The following AGAP1 variants were observed in gnomAD, a reference collection of about 807,000 sequenced individuals.
The protein encoded by AGAP1 is ArfGAP with GTPase domain, ankyrin repeat and PH domain 1.
A neutral mutation model predicts 105.3 loss-of-function variants in AGAP1; 29 were observed. The observed-to-expected ratio is 0.28, with a 90% CI of 0.21 to 0.38. AGAP1 has a LOEUF of 0.38. Among genes scored for constraint, AGAP1 ranks in the 10% least tolerant of loss-of-function variants. The probability of loss-of-function intolerance (pLI) is 1.00; values close to 1 mark genes in which losing one functional copy is unlikely to be tolerated. For synonymous variants in AGAP1, 509 were observed against 485.9 expected, an observed-to-expected ratio of 1.05 and a Z score of -0.63; for missense variants, 998 against 1,165.1, an observed-to-expected ratio of 0.86 and a Z score of 2.09.
chr2:235,589,216 T>A (rs894798744), intron 1 of AGAP1, among the ~76,000 whole-genome samples: 21 of 137,480 alleles, frequency 1.5e-4, no homozygotes, highest in Non-Finnish European at 3.1e-4. Context: ...TTTTTTTTTT[T>A]TTTTTTGAGA....
intron 1 of AGAP1, among the ~76,000 whole-genome samples, chr2:235,667,203 G>A (rs1017225797): frequency 3.9e-5 from 6 of 152,190 alleles, no homozygotes; most frequent in Admixed American, 1.3e-4. Flanking sequence ...AGCATTTTTC[G>A]GGAGTTGGGT....
chr2:235,706,975 GA>G (rs1950566217), intron 1 of AGAP1, among the ~76,000 whole-genome samples: 1 of 152,256 alleles, frequency 6.6e-6, no homozygotes, highest in South Asian at 2.1e-4. Flanking sequence ...ACCCCTGACT[GA>G]GCGCTTGCTG....
chr2:235,919,791 G>T lies in AGAP1; in HGVS notation c.1324+10885G>T, dbSNP rs535121668. Among the ~76,000 whole-genome samples the T allele has an allele frequency of 5.3e-4, 81 of 152,230 alleles. No homozygotes were observed. The highest frequency in any genetic ancestry group is 8.8e-4 in the Non-Finnish European group (60 of 68,006). ...GATGGAACCGTTATTCATGGCAAAGGAAGACACCAAACAAAGAAAAATTCT... is the reference window on the plus strand; with the variant it reads ...GATGGAACCGTTATTCATGGCAAAGTAAGACACCAAACAAAGAAAAATTCT... On this transcript the variant is annotated intron_variant, in intron 11 of 17. Transcript: ENST00000304032. This position sits in a 1 kb window ranked among gnomAD's most constrained non-coding sequence, Gnocchi z 4.1.
intron 3 of AGAP1, among the ~76,000 whole-genome samples, chr2:235,738,657 A>G (rs1952395655): frequency 6.6e-6 from 1 of 151,564 alleles, no homozygotes. Flanking sequence ...TCCCAGGTTC[A>G]AGCAATTCTC....
Position 235,559,879 on chromosome 2 carries a change from T to C in AGAP1, c.163+65030T>C, listed in dbSNP as rs1192955916. ...AGTGGTTGGAGTTATTTATGGATTC[T>C]GGATACTAGACACTTATTAGATATA... On this transcript the variant is annotated intron_variant, in intron 1 of 17. Transcript: ENST00000304032. This position sits in a 1 kb window ranked among gnomAD's most constrained non-coding sequence, Gnocchi z 5.7. 6.6e-6 allele frequency among the ~76,000 whole-genome samples: 1 copy of C among 152,212 alleles called. No homozygotes were observed. The highest frequency in any genetic ancestry group is 1.5e-5 in the Non-Finnish European group (1 of 68,038).
rs761495823 is a variant in AGAP1, at chr2:235,639,801, T to G, written c.164-69378T>G. Among the ~76,000 whole-genome samples the G allele has an allele frequency of 2.6e-5, 4 of 152,192 alleles. No individual in the cohort carries two copies. Among genetic ancestry groups the G allele is most frequent in the Non-Finnish European group, 5.9e-5 (4 of 68,032 alleles). On this transcript the variant is annotated intron_variant, in intron 1 of 17. Transcript: ENST00000304032. The surrounding 1 kb of genome is among the most constrained non-coding windows in gnomAD (Gnocchi z 5.3). Reference sequence around the variant, plus strand: ...CTTCTCAGGCTCTGAAAAACACTTTTAAGAGCAGGTTAAACTGTTCTCGGA... The same window carrying G: ...CTTCTCAGGCTCTGAAAAACACTTTGAAGAGCAGGTTAAACTGTTCTCGGA...
Position 235,707,967 on chromosome 2 carries a change from G to A in AGAP1, c.164-1212G>A, listed in dbSNP as rs185343554. Among the ~76,000 whole-genome samples the A allele has an allele frequency of 1.0e-3, 155 of 150,650 alleles. 1 individual carries two copies. The highest frequency in any genetic ancestry group is 3.6e-3 in the African/African-American group (146 of 40,996). On this transcript the variant is annotated intron_variant, in intron 1 of 17. Coordinates refer to ENST00000304032, the MANE Select transcript of AGAP1 (RefSeq NM_001037131.3). ...GACCTGGTGGGACGTGCTCCCCATC[G>A]TGTGACCTGGTGGGTTGTGCTCCCC...
intron 17 of AGAP1, among the ~76,000 whole-genome samples, chr2:236,122,392 C>G (rs1022650266): frequency 2.6e-5 from 4 of 152,036 alleles, no homozygotes; most frequent in African/African-American, 9.7e-5. Flanking sequence ...TTGGTGGGAG[C>G]GGGGGACACA....
intron 9 of AGAP1, among the ~76,000 whole-genome samples, chr2:235,821,220 T>A (rs1266373433): frequency 1.3e-5 from 2 of 152,146 alleles, no homozygotes; most frequent in Non-Finnish European, 2.9e-5. Context: ...GTACAGCCAT[T>A]AAAATGGCCA....
At position 235,788,796 on chromosome 2, in the gene AGAP1, A is replaced by T. The variant is rs1439252095; in HGVS notation, c.674-8963A>T. 1.3e-5 allele frequency among the ~76,000 whole-genome samples: 2 copies of T among 152,170 alleles called. No individual in the cohort carries two copies. The highest frequency in any genetic ancestry group is 2.9e-5 in the Non-Finnish European group (2 of 68,022). On this transcript the variant is annotated intron_variant, in intron 6 of 17. Transcript: ENST00000304032. This position sits in a 1 kb window ranked among gnomAD's most constrained non-coding sequence, Gnocchi z 6.0. ...GGAGCCCTCAGAAGCGCGCATTCAG[A>T]CCGGCAGTAGACAAAACCAGCTGCG...
intron 16 of AGAP1, among the ~76,000 whole-genome samples, chr2:236,074,483 A>C (rs530585085): frequency 2.0e-5 from 3 of 152,180 alleles, no homozygotes; most frequent in Non-Finnish European, 4.4e-5. Context: ...TTACAAGCTT[A>C]AGCTCAGCAA....
At chr2:235,742,936 G>A (rs559612872) in intron 4 of AGAP1, among the ~76,000 whole-genome samples, 74 of 152,324 alleles carry the variant, frequency 4.9e-4, no homozygotes, top group African/African-American at 1.7e-3. Flanking sequence ...GGAAGCTGAG[G>A]CAGGCAGATC....
rs1343776095 is a variant in AGAP1 at position 235,733,212 on chromosome 2, C to G, written c.311-7751C>G. ...CTGCGTGGGTCACTTCTCCCGCTCACCAGGCAACACGGGCATCTTCTTTGC... is the reference window on the plus strand; with the variant it reads ...CTGCGTGGGTCACTTCTCCCGCTCAGCAGGCAACACGGGCATCTTCTTTGC... On this transcript the variant is annotated intron_variant, in intron 3 of 17. Transcript: ENST00000304032. This position sits in a 1 kb window ranked among gnomAD's most constrained non-coding sequence, Gnocchi z 5.0. Among the ~76,000 whole-genome samples, 1 of 152,216 alleles carries G rather than the reference C, an allele frequency of 6.6e-6. No individual in the cohort carries two copies. The highest frequency in any genetic ancestry group is 6.5e-5 in the Admixed American group (1 of 15,284).
chr2:235,528,062 C>T (rs953427947), intron 1 of AGAP1, among the ~76,000 whole-genome samples: 5 of 152,202 alleles, frequency 3.3e-5, no homozygotes, highest in African/African-American at 1.2e-4. Context: ...ATGATAACCT[C>T]ATTAGGCTCT....
In AGAP1 at chr2:235,887,551, C is replaced by T. The variant is rs2050328453; in HGVS notation, c.1155+4102C>T. On this transcript the variant is annotated intron_variant, in intron 10 of 17. Transcript: ENST00000304032. This position sits in a 1 kb window ranked among gnomAD's most constrained non-coding sequence, Gnocchi z 4.1. The stretch of plus-strand genomic sequence containing the variant: ...TTTCTGAGAACACTATTCTCATCCA[C>T]CTTTTCTCTCAAAGGCAGATGGGGC... Among the ~76,000 whole-genome samples the T allele has an allele frequency of 6.6e-6, 1 of 152,218 alleles. No individual in the cohort carries two copies. The highest frequency in any genetic ancestry group is 2.4e-5 in the African/African-American group (1 of 41,450).
intron 1 of AGAP1, among the ~76,000 whole-genome samples, chr2:235,537,942 T>C (rs1943296076): frequency 6.6e-6 from 1 of 152,232 alleles, no homozygotes; most frequent in Non-Finnish European, 1.5e-5. Context: ...AGGCTTGACA[T>C]CTTTTTCTGA....
Position 235,930,664 on chromosome 2 carries a change from AGGTG to A in AGAP1, c.1325-100_1325-97del. 3 of 1,151,126 alleles carry A rather than the reference AGGTG, an allele frequency of 2.6e-6. No individual in the cohort carries two copies. The highest frequency in any genetic ancestry group is 2.5e-5 in the Admixed American group (1 of 40,204). The allele number at this position is 1,151,126 out of a possible 1,614,324, so 71.3% of individuals were successfully genotyped here. A position where few individuals can be genotyped will look rare whatever the true frequency, so the allele number is the denominator to read the frequency against. ...AGGACAGGGGCTGCTCTCGGTGGTA[AGGTG>A]CACTATGTGCCAGCGTGTGGGTCCC... is the stretch of plus-strand genomic sequence containing the variant. On this transcript the variant is annotated intron_variant, in intron 11 of 17. Transcript: ENST00000304032. The surrounding 1 kb of genome is among the most constrained non-coding windows in gnomAD (Gnocchi z 7.9).
chr2:235,767,811 G>A (rs1955096776), intron 6 of AGAP1, among the ~76,000 whole-genome samples: 1 of 112,788 alleles, frequency 8.9e-6, no homozygotes, highest in Admixed American at 1.3e-4. Flanking sequence ...TTGAGACACA[G>A]TCTCGCTCTG....
intron 9 of AGAP1, among the ~76,000 whole-genome samples, chr2:235,873,944 G>A (rs900914803): frequency 6.6e-6 from 1 of 152,164 alleles, no homozygotes; most frequent in Non-Finnish European, 1.5e-5. Flanking sequence ...GCCCAGGCTG[G>A]TCTCAAACTC....
Sources: allele counts gnomAD v4.1 joint callset (sites outside exome capture counted in the v4.1 genomes callset), GRCh38; gene constraint gnomAD v4.1.1; non-coding constraint Gnocchi (gnomAD v3.1); transcripts MANE v1.5; gene names NCBI Gene and HGNC (gene_info 2026-07-23, HGNC 2026-07-21).